Variants in ST8SIA6 observed in about 807,000 individuals in gnomAD.
The protein encoded by ST8SIA6 is alpha-2,8-sialyltransferase 8F.
ST8SIA6 carries 39 observed loss-of-function variants against 33.6 expected under a neutral mutation model. The observed-to-expected ratio is 1.16, with a 90% CI of 0.90 to 1.52. The LOEUF (loss-of-function observed/expected upper bound fraction) is 1.52, where lower values mean the gene tolerates loss of function less well. ST8SIA6 is among the 40% of genes most tolerant of loss of function. ST8SIA6 has a pLI of 0.00. For missense variants in ST8SIA6, 441 were observed against 443.8 expected, an observed-to-expected ratio of 0.99 and a Z score of 0.06; for synonymous variants, 172 against 167.2, an observed-to-expected ratio of 1.03 and a Z score of -0.22.
chr10:17,390,473 A>C, intron 3 of ST8SIA6, 58 bp downstream of exon 3: 1 of 1,403,422 alleles, frequency 7.1e-7, no homozygotes, highest in South Asian at 1.2e-5. Flanking sequence ...ACTGTCAGAC[A>C]TTCTGAAAAT....
At chr10:17,385,691 G>A (rs576116742) in intron 3 of ST8SIA6, among the ~76,000 whole-genome samples, 12 of 152,158 alleles carry the variant, frequency 7.9e-5, no homozygotes, top group African/African-American at 2.2e-4. Flanking sequence ...TTCTTTTTGT[G>A]GTTCTTCAGT....
At chr10:17,426,360 G>A (rs1012568017) in intron 2 of ST8SIA6, among the ~76,000 whole-genome samples, 1 of 152,164 alleles carries the variant, frequency 6.6e-6, no homozygotes, top group African/African-American at 2.4e-5. Flanking sequence ...ATAAGGAAAT[G>A]CATGTCATAA....
In ST8SIA6 at chr10:17,414,024, A is replaced by G. The variant is rs115291533; in HGVS notation, c.201-23404T>C. On this transcript the variant is annotated intron_variant, in intron 2 of 7. Coordinates refer to ENST00000377602, the MANE Select transcript of ST8SIA6 (RefSeq NM_001004470.3). Reference sequence around the variant, plus strand: ...TCTCATTGAGAAGCCCCCATGCCCAATACACGCCTCCTATCTTCATACACG... The same window carrying G: ...TCTCATTGAGAAGCCCCCATGCCCAGTACACGCCTCCTATCTTCATACACG... Among the ~76,000 whole-genome samples the G allele has an allele frequency of 3.4e-3, 520 of 152,124 alleles. 1 individual carries two copies. The highest frequency in any genetic ancestry group is 0.011 in the African/African-American group (449 of 41,498).
At chr10:17,425,511 G>C (rs1851905851) in intron 2 of ST8SIA6, among the ~76,000 whole-genome samples, 1 of 152,006 alleles carries the variant, frequency 6.6e-6, no homozygotes, top group South Asian at 2.1e-4. Flanking sequence ...AGGCTGCAGT[G>C]GGCTGAGATC....
At chr10:17,411,661 T>A (rs1851454786) in intron 2 of ST8SIA6, among the ~76,000 whole-genome samples, 1 of 152,258 alleles carries the variant, frequency 6.6e-6, no homozygotes, top group African/African-American at 2.4e-5. Context: ...GTCTTCATTC[T>A]AACTTGGCAG....
chr10:17,344,344 G>A (rs1472572045), intron 4 of ST8SIA6, among the ~76,000 whole-genome samples: 1 of 152,216 alleles, frequency 6.6e-6, no homozygotes, highest in East Asian at 1.9e-4. Flanking sequence ...GTTCCACGTG[G>A]CTGGGGAGGC....
At chr10:17,376,030 C>T (rs1849906963) in intron 3 of ST8SIA6, among the ~76,000 whole-genome samples, 1 of 152,126 alleles carries the variant, frequency 6.6e-6, no homozygotes, top group Non-Finnish European at 1.5e-5. Context: ...CAAGCAGCTG[C>T]CCAGCCAGAC....
intron 3 of ST8SIA6, among the ~76,000 whole-genome samples, chr10:17,383,302 C>T (rs1850220972): frequency 6.6e-6 from 1 of 151,908 alleles, no homozygotes; most frequent in Non-Finnish European, 1.5e-5. Context: ...ACATTAGGTT[C>T]CCTAAAGTCC....
At chr10:17,350,388 T>C (rs1848990184) in intron 4 of ST8SIA6, among the ~76,000 whole-genome samples, 1 of 152,292 alleles carries the variant, frequency 6.6e-6, no homozygotes, top group East Asian at 1.9e-4. Flanking sequence ...GAATGCTTGC[T>C]TCACACCAAA....
chr10:17,380,557 T>C (rs1850095350), intron 3 of ST8SIA6, among the ~76,000 whole-genome samples: 1 of 152,220 alleles, frequency 6.6e-6, no homozygotes, highest in Non-Finnish European at 1.5e-5. Flanking sequence ...CAAAAGGGGC[T>C]TTATTTACAT....
intron 2 of ST8SIA6, among the ~76,000 whole-genome samples, chr10:17,437,135 A>C (rs181156086): frequency 1.1e-4 from 16 of 150,822 alleles, no homozygotes; most frequent in African/African-American, 3.6e-4. Flanking sequence ...TTACAGATTC[A>C]TTTCTCTCTC....
intron 2 of ST8SIA6, among the ~76,000 whole-genome samples, chr10:17,444,247 A>G (rs1852616723): frequency 6.6e-6 from 1 of 152,210 alleles, no homozygotes; most frequent in East Asian, 1.9e-4. Flanking sequence ...CAACTAAGGA[A>G]GTCTTGATTT....
At chr10:17,359,822 C>T (rs964265220) in intron 3 of ST8SIA6, among the ~76,000 whole-genome samples, 1 of 151,838 alleles carries the variant, frequency 6.6e-6, no homozygotes, top group Non-Finnish European at 1.5e-5. Flanking sequence ...ATGTCATAAG[C>T]CAAGTGTAGT....
At chr10:17,431,598 C>A (rs1852103433) in intron 2 of ST8SIA6, among the ~76,000 whole-genome samples, 1 of 152,082 alleles carries the variant, frequency 6.6e-6, no homozygotes, top group Admixed American at 6.5e-5. Context: ...ATTCAGAAAG[C>A]CAGCGTGAGA....
chr10:17,384,825 A>G (rs971898756), intron 3 of ST8SIA6, among the ~76,000 whole-genome samples: 6 of 151,984 alleles, frequency 3.9e-5, no homozygotes, highest in Non-Finnish European at 5.9e-5. Context: ...GCCTATATCA[A>G]TTTTTCCAGG....
chr10:17,418,702 A>G (rs1851676185), intron 2 of ST8SIA6, among the ~76,000 whole-genome samples: 1 of 152,180 alleles, frequency 6.6e-6, no homozygotes, highest in African/African-American at 2.4e-5. Context: ...CAGTAATTTA[A>G]GTCAAGCTAG....
At position 17,340,849 on chromosome 10, in the gene ST8SIA6, A is replaced by G. The variant is rs543521136; in HGVS notation, c.378-9297T>C. 5.1e-4 allele frequency among the ~76,000 whole-genome samples: 78 copies of G among 152,296 alleles called. No homozygotes were observed. In the South Asian group the frequency reaches 0.016, roughly 31 times the overall value. On this transcript the variant is annotated intron_variant, in intron 4 of 7. Coordinates refer to ENST00000377602, the MANE Select transcript of ST8SIA6 (RefSeq NM_001004470.3). ...CTTTCTGGGCTCAAGGGGCCTTTCCATTGCTGTCACATAGTGTAGAAGACT... is the reference window on the plus strand; with the variant it reads ...CTTTCTGGGCTCAAGGGGCCTTTCCGTTGCTGTCACATAGTGTAGAAGACT...
intron 3 of ST8SIA6, among the ~76,000 whole-genome samples, chr10:17,386,064 C>A (rs996140288): frequency 5.3e-5 from 8 of 152,094 alleles, no homozygotes; most frequent in Non-Finnish European, 8.8e-5. Flanking sequence ...ACCTGTCTTC[C>A]TGGCTATTCA....
At chr10:17,344,134 C>A (rs930140140) in intron 4 of ST8SIA6, among the ~76,000 whole-genome samples, 1 of 152,152 alleles carries the variant, frequency 6.6e-6, no homozygotes, top group Non-Finnish European at 1.5e-5. Flanking sequence ...TGCCCTATAT[C>A]CCTCTAATTA....
Sources: allele counts gnomAD v4.1 joint callset (sites outside exome capture counted in the v4.1 genomes callset), GRCh38; gene constraint gnomAD v4.1.1; transcripts MANE v1.5; gene names NCBI Gene and HGNC (gene_info 2026-07-23, HGNC 2026-07-21).